Variants in TNIP3 observed in about 807,000 individuals in gnomAD.
The protein encoded by TNIP3 is TNFAIP3 interacting protein 3.
A neutral mutation model predicts 54.1 loss-of-function variants in TNIP3; 34 were observed. The ratio of observed to expected loss-of-function variants is 0.63; its 90% CI spans 0.48 to 0.84. TNIP3 has a LOEUF of 0.84. Ranked by LOEUF, TNIP3 falls within the 40% of genes least tolerant of loss-of-function variation. TNIP3 has a pLI of 0.00. For missense variants in TNIP3, 366 were observed against 387.6 expected, an observed-to-expected ratio of 0.94 and a Z score of 0.47; for synonymous variants, 134 against 136.8, an observed-to-expected ratio of 0.98 and a Z score of 0.14.
At chr4:121,153,181 G>A (rs1729866408) in intron 5 of TNIP3, among the ~76,000 whole-genome samples, 3 of 152,050 alleles carry the variant, frequency 2.0e-5, no homozygotes, top group Admixed American at 2.0e-4. Context: ...AAAATTTCGT[G>A]TAGAATTATT....
intron 1 of TNIP3, among the ~76,000 whole-genome samples, chr4:121,223,817 T>C (rs1413955479): frequency 6.6e-6 from 1 of 152,200 alleles, no homozygotes. Flanking sequence ...AAGAGTATAA[T>C]GAATTCTGAT....
At chr4:121,168,237 C>T (rs918832799), upstream of TNIP3, among the ~76,000 whole-genome samples, 13 of 151,928 alleles carry the variant, frequency 8.6e-5, no homozygotes, top group African/African-American at 1.5e-4. Flanking sequence ...GACAGAGTCT[C>T]GCTCTGTCAC....
intron 8 of TNIP3, among the ~76,000 whole-genome samples, 160 bp from the exon 9 acceptor site, chr4:121,142,074 A>C (rs1380008328): frequency 6.6e-6 from 1 of 152,186 alleles, no homozygotes; most frequent in Non-Finnish European, 1.5e-5. Context: ...CTCAGGACCA[A>C]TACAAACGAG....
At chr4:121,189,369 T>C (rs1422249927) in intron 2 of TNIP3, among the ~76,000 whole-genome samples, 14 of 152,344 alleles carry the variant, frequency 9.2e-5, no homozygotes, top group East Asian at 5.8e-4. Context: ...TAGATTCTTC[T>C]ATAATGGAAA....
intron 2 of TNIP3, among the ~76,000 whole-genome samples, chr4:121,190,374 T>A (rs1725243339): frequency 1.3e-5 from 2 of 152,200 alleles, no homozygotes; most frequent in Non-Finnish European, 2.9e-5. Context: ...GAGCCTCACA[T>A]ACTTATTAAG....
At chr4:121,226,551 A>G (rs114081423) in intron 1 of TNIP3, among the ~76,000 whole-genome samples, 2,637 of 152,336 alleles carry the variant, frequency 0.017, 32 homozygotes, top group Non-Finnish European at 0.025. Context: ...CAGGGCATTG[A>G]TCGAGATTCC....
At chr4:121,142,450 A>G (rs1403930228) in intron 8 of TNIP3, among the ~76,000 whole-genome samples, 2 of 152,222 alleles carry the variant, frequency 1.3e-5, no homozygotes, top group South Asian at 2.1e-4. Flanking sequence ...ATGAAATACC[A>G]ATGAAATCTA....
rs146872443 is a variant in TNIP3 at position 121,141,092 on chromosome 4, G to A, written c.885+724C>T. Among the ~76,000 whole-genome samples, 159 of 152,256 alleles carry A rather than the reference G, an allele frequency of 1.0e-3. 5 individuals carry two copies. In the East Asian group the frequency reaches 0.021, roughly 20 times the overall value. ...CAATTAATCAAACCTAAAGGGTAGCGGGATTTGTCTGGGTAAATCCAAAAT... is the reference window on the plus strand; with the variant it reads ...CAATTAATCAAACCTAAAGGGTAGCAGGATTTGTCTGGGTAAATCCAAAAT... On this transcript the variant is annotated intron_variant, in intron 9 of 10. Transcript: ENST00000057513.
chr4:121,193,175 G>A (rs528288690), intron 2 of TNIP3, among the ~76,000 whole-genome samples: 1 of 152,210 alleles, frequency 6.6e-6, no homozygotes, highest in Admixed American at 6.5e-5. Context: ...AAAAGATTGG[G>A]ACACGCTATC....
At chr4:121,218,865 G>A (rs916687123), upstream of TNIP3, among the ~76,000 whole-genome samples, 2 of 152,014 alleles carry the variant, frequency 1.3e-5, no homozygotes, top group Non-Finnish European at 2.9e-5. Flanking sequence ...CCTAGCTATA[G>A]CCACATAAAA....
intron 2 of TNIP3, among the ~76,000 whole-genome samples, chr4:121,204,422 T>G (rs1055016458): frequency 6.6e-6 from 1 of 152,200 alleles, no homozygotes; most frequent in African/African-American, 2.4e-5. Context: ...ATATATTGAT[T>G]GTTGTCTCAT....
At chr4:121,186,868 A>G (rs1725049703) in intron 2 of TNIP3, among the ~76,000 whole-genome samples, 1 of 152,192 alleles carries the variant, frequency 6.6e-6, no homozygotes, top group Admixed American at 6.5e-5. Context: ...GAATTATGTC[A>G]CCTACTTGGG....
At chr4:121,182,420 T>A (rs1484753683) in intron 3 of TNIP3, among the ~76,000 whole-genome samples, 1 of 152,208 alleles carries the variant, frequency 6.6e-6, no homozygotes, top group Non-Finnish European at 1.5e-5. Context: ...CATGATCTCC[T>A]CACCTTCTTG....
At chr4:121,181,333 G>A (rs1381873689) in intron 3 of TNIP3, among the ~76,000 whole-genome samples, 1 of 152,146 alleles carries the variant, frequency 6.6e-6, no homozygotes, top group Non-Finnish European at 1.5e-5. Flanking sequence ...TTTCCATGAA[G>A]GAATAAATTT....
At chr4:121,160,835 G>T (rs1323705648) in intron 2 of TNIP3, among the ~76,000 whole-genome samples, 1 of 152,066 alleles carries the variant, frequency 6.6e-6, no homozygotes, top group African/African-American at 2.4e-5. Context: ...AAGGCATAAA[G>T]GATAAAGTAA....
At chr4:121,227,397 T>C in exon 1 of TNIP3, 3 of 1,535,210 alleles carry the variant, frequency 2.0e-6, no homozygotes, top group Non-Finnish European at 2.6e-6. Flanking sequence ...TGTTCTATCC[T>C]GAAAGTCCTT....
intron 1 of TNIP3, chr4:121,227,266 A>T (rs995294229): frequency 2.6e-6 from 2 of 782,500 alleles, no homozygotes; most frequent in Admixed American, 2.7e-5. Context: ...GTTCCTGATC[A>T]GTTATATATG....
intron 6 of TNIP3, 130 bp from the exon 7 acceptor site, chr4:121,147,304 T>C: frequency 8.8e-7 from 1 of 1,136,102 alleles, no homozygotes; most frequent in South Asian, 2.0e-5. Context: ...TCAGTGTCAC[T>C]GTTTTGGAGC....
intron 1 of TNIP3, among the ~76,000 whole-genome samples, chr4:121,225,925 G>T (rs1727237183): frequency 1.3e-5 from 2 of 152,068 alleles, no homozygotes; most frequent in African/African-American, 4.8e-5. Context: ...TTAACAGGAG[G>T]AGTCATATTT....
Sources: allele counts gnomAD v4.1 joint callset (sites outside exome capture counted in the v4.1 genomes callset), GRCh38; gene constraint gnomAD v4.1.1; transcripts MANE v1.5; gene names NCBI Gene and HGNC (gene_info 2026-07-23, HGNC 2026-07-21).